Variants in FBXL2 observed in about 807,000 individuals in gnomAD.
FBXL2 encodes F-box/LRR-repeat protein 2.
Under a neutral mutation model 69.2 loss-of-function variants are expected in FBXL2, and 38 were observed. The ratio of observed to expected loss-of-function variants is 0.55; its 90% CI spans 0.42 to 0.72. FBXL2 has a LOEUF of 0.72. Among genes scored for constraint, FBXL2 ranks in the 30% least tolerant of loss-of-function variants. The pLI, the probability that FBXL2 is intolerant of heterozygous loss-of-function variation, is 0.00. For missense variants in FBXL2, 354 were observed against 520.3 expected (o/e 0.68, Z 3.11); for synonymous variants, 192 against 201.3 (o/e 0.95, Z 0.39).
intron 2 of FBXL2, among the ~76,000 whole-genome samples, chr3:33,340,436 G>C (rs72863730): frequency 0.076 from 11,558 of 151,832 alleles, 1,486 homozygotes; most frequent in African/African-American, 0.26. Flanking sequence ...GCTGATTGTA[G>C]GACTGAGGCA....
rs1255568727 is a variant in FBXL2, at chr3:33,375,280, T to C, written c.658-8T>C. The C allele has an allele frequency of 6.2e-7, 1 of 1,610,266 alleles. No individual in the cohort carries two copies. Among genetic ancestry groups the C allele is most frequent in the Non-Finnish European group, 8.5e-7 (1 of 1,176,622 alleles). ...TCTGACTTTTCTTTCTGTGCTGCTT[T>C]TCCTCAGCGTATCACGGATGAAGGT... On this transcript the variant is annotated splice_region_variant and splice_polypyrimidine_tract_variant and intron_variant, in intron 9 of 14. Transcript: ENST00000484457.
intron 2 of FBXL2, among the ~76,000 whole-genome samples, chr3:33,306,895 C>A (rs969796304): frequency 2.0e-5 from 3 of 152,118 alleles, no homozygotes; most frequent in African/African-American, 7.2e-5. Context: ...ACTCTTAATT[C>A]TTTTTCTTCC....
chr3:33,309,516 T>C (rs2037002954), intron 2 of FBXL2, among the ~76,000 whole-genome samples: 1 of 152,058 alleles, frequency 6.6e-6, no homozygotes, highest in Non-Finnish European at 1.5e-5. Flanking sequence ...AAAGTGGGTC[T>C]CTTGCAGATA....
At chr3:33,408,113 CAG>C (rs373134128), downstream of FBXL2, among the ~76,000 whole-genome samples, 108 of 152,080 alleles carry the variant, frequency 7.1e-4, 1 homozygote, top group East Asian at 0.019. Context: ...TGAATCCCAT[CAG>C]AGTTTTTTTT....
chr3:33,335,319 A>C (rs1161751819), intron 2 of FBXL2, among the ~76,000 whole-genome samples: 1 of 152,208 alleles, frequency 6.6e-6, no homozygotes, highest in Non-Finnish European at 1.5e-5. Context: ...TGTAGGAAGG[A>C]ATGAAGAACA....
chr3:33,284,674 G>A (rs546457405), intron 1 of FBXL2, among the ~76,000 whole-genome samples: 1 of 152,148 alleles, frequency 6.6e-6, no homozygotes, highest in Non-Finnish European at 1.5e-5. Flanking sequence ...TTATTGTGTG[G>A]GAGTCTAAGT....
intron 2 of FBXL2, among the ~76,000 whole-genome samples, chr3:33,346,357 G>A (rs888543430): frequency 6.6e-6 from 1 of 152,032 alleles, no homozygotes; most frequent in Non-Finnish European, 1.5e-5. Context: ...GGAGGATTGT[G>A]TGAGATCGTG....
At position 33,321,958 on chromosome 3, in the gene FBXL2, T is replaced by C. The variant is rs558760145; in HGVS notation, c.65+24233T>C. On this transcript the variant is annotated intron_variant, in intron 2 of 14. Transcript: ENST00000484457. ...TCAGTACCACCACTTCAGAAAACAG[T>C]TTGTCACTGCCCTGTAAAATCAAAC... Among the ~76,000 whole-genome samples, 16 of 152,156 alleles carry C rather than the reference T, an allele frequency of 1.1e-4. No homozygotes were observed. In the South Asian group the frequency reaches 2.7e-3, roughly 26 times the overall value.
At position 33,319,399 on chromosome 3, in the gene FBXL2, A is replaced by T. The variant is rs116775754; in HGVS notation, c.65+21674A>T. On this transcript the variant is annotated intron_variant, in intron 2 of 14. Coordinates refer to ENST00000484457, the MANE Select transcript of FBXL2 (RefSeq NM_012157.5). ...CAAGTGGATGTATGATGTAATATAC[A>T]TGAAGTATCTATGAATTTTTAACTT... Among the ~76,000 whole-genome samples the T allele has an allele frequency of 8.1e-3, 1,234 of 152,354 alleles. 9 individuals carry two copies. Among genetic ancestry groups the T allele is most frequent in the Non-Finnish European group, 0.011 (733 of 68,030 alleles).
At chr3:33,277,185 T>TAAAAAAA, upstream of FBXL2, 2 of 291,188 alleles carry the variant, frequency 6.9e-6, no homozygotes, top group Non-Finnish European at 1.3e-5. Context: ...ACGTTTTTTT[T>TAAAAAAA]AAAAAAAAAA....
intron 2 of FBXL2, among the ~76,000 whole-genome samples, chr3:33,323,460 TCC>T (rs2038402739): frequency 1.3e-5 from 2 of 151,862 alleles, no homozygotes; most frequent in Non-Finnish European, 2.9e-5. Context: ...TCCCTCCCCT[TCC>T]CCCCGACGCC....
intron 2 of FBXL2, among the ~76,000 whole-genome samples, chr3:33,343,529 G>A (rs1310396623): frequency 6.6e-6 from 1 of 151,944 alleles, no homozygotes; most frequent in African/African-American, 2.4e-5. Context: ...ACATAATGAA[G>A]CAATAAAAAT....
the FBXL2 span, chr3:33,409,669 T>C: frequency 6.3e-6 from 10 of 1,595,032 alleles, no homozygotes; most frequent in Admixed American, 1.2e-4. Flanking sequence ...TTTTGTTCCC[T>C]CTTGAGTGAC....
intron 2 of FBXL2, among the ~76,000 whole-genome samples, chr3:33,325,869 A>G (rs1160870139): frequency 6.6e-6 from 1 of 152,166 alleles, no homozygotes; most frequent in Non-Finnish European, 1.5e-5. Flanking sequence ...TCTATTCTCT[A>G]CCAAAAAATA....
chr3:33,403,755 T>TAAGCATGCC (rs1318460902), downstream of FBXL2: 7 of 152,224 alleles, frequency 4.6e-5, no homozygotes. Flanking sequence ...AAAAGCATGC[T>TAAGCATGCC]AAGCATGCCA....
At chr3:33,290,022 A>T (rs1214305109) in intron 1 of FBXL2, among the ~76,000 whole-genome samples, 1 of 152,186 alleles carries the variant, frequency 6.6e-6, no homozygotes, top group African/African-American at 2.4e-5. Flanking sequence ...TCCTCAAGGC[A>T]CAGAAAGCAG....
At position 33,303,794 on chromosome 3, in the gene FBXL2, AGATT is replaced by A. The variant is rs542463024; in HGVS notation, c.65+6074_65+6077del. On this transcript the variant is annotated intron_variant, in intron 2 of 14. Transcript: ENST00000484457. The stretch of plus-strand genomic sequence containing the variant: ...AAATCAAAATTATTAAGATAAAGGT[AGATT>A]GATTTTATTAGAAATACAGTTTGAA... Among the ~76,000 whole-genome samples, 50 of 152,234 alleles carry A rather than the reference AGATT, an allele frequency of 3.3e-4. 1 individual carries two copies. In the South Asian group the frequency reaches 8.9e-3, roughly 27 times the overall value.
chr3:33,359,423 A>G (rs2041454754), intron 4 of FBXL2, 66 bp downstream of exon 4: 10 of 1,140,416 alleles, frequency 8.8e-6, no homozygotes, highest in African/African-American at 1.5e-5. Context: ...CCCTTTCCTG[A>G]CTTTTTATTT....
Position 33,373,240 on chromosome 3 carries a change from G to A in FBXL2, c.360-20G>A. On this transcript the variant is annotated intron_variant, in intron 6 of 14. Coordinates refer to ENST00000484457, the MANE Select transcript of FBXL2 (RefSeq NM_012157.5). ...AGAAACGTGGTTGAAAATATCTTTAGTGCGTCTGCTCTTTTTCAGCACGTG... is the reference window on the plus strand; with the variant it reads ...AGAAACGTGGTTGAAAATATCTTTAATGCGTCTGCTCTTTTTCAGCACGTG... The A allele has an allele frequency of 6.2e-7, 1 of 1,613,636 alleles. No individual in the cohort carries two copies. Among genetic ancestry groups the A allele is most frequent in the Non-Finnish European group, 8.5e-7 (1 of 1,179,522 alleles).
Sources: allele counts gnomAD v4.1 joint callset (sites outside exome capture counted in the v4.1 genomes callset), GRCh38; gene constraint gnomAD v4.1.1; transcripts MANE v1.5; gene names NCBI Gene and HGNC (gene_info 2026-07-23, HGNC 2026-07-21).